Variants in RIMS1 observed in about 807,000 individuals in gnomAD.
RIMS1 encodes regulating synaptic membrane exocytosis protein 1.
In RIMS1, 83 loss-of-function variants were observed where a neutral mutation model predicts 214.1. The ratio of observed to expected loss-of-function variants is 0.39; its 90% confidence interval spans 0.32 to 0.47. The LOEUF is 0.47. Among genes scored for constraint, RIMS1 ranks in the 20% least tolerant of loss-of-function variants. The pLI is 0.99. For synonymous variants in RIMS1, 793 were observed against 786.8 expected (o/e 1.01, Z -0.13); for missense variants, 2,050 against 2,161.8 (o/e 0.95, Z 1.03).
intron 1 of RIMS1, among the ~76,000 whole-genome samples, chr6:71,961,466 G>A (rs1233815096): frequency 1.3e-5 from 2 of 151,802 alleles, no homozygotes; most frequent in East Asian, 3.9e-4. Flanking sequence ...GTACCCATAA[G>A]TAAAAAAGAC....
chr6:71,981,903 A>C lies in RIMS1; in HGVS notation c.245+12840A>C, dbSNP rs558666439. Among the ~76,000 whole-genome samples, 14 of 151,636 alleles carry C rather than the reference A, an allele frequency of 9.2e-5. No individual in the cohort carries two copies. In the East Asian group the frequency reaches 2.5e-3, roughly 27 times the overall value. On this transcript the variant is annotated intron_variant, in intron 2 of 33. Coordinates refer to ENST00000521978, the MANE Select transcript of RIMS1 (RefSeq NM_014989.7). Reference sequence around the variant, plus strand: ...AAGTCATTGGTGTACTATAATGCATACTACTAAGCTATGCCATTGGAACTT... The same window carrying C: ...AAGTCATTGGTGTACTATAATGCATCCTACTAAGCTATGCCATTGGAACTT...
At chr6:72,382,657 T>TAA (rs2098511243) in intron 29 of RIMS1, among the ~76,000 whole-genome samples, 4 of 152,142 alleles carry the variant, frequency 2.6e-5, no homozygotes, top group Admixed American at 1.3e-4. Context: ...CCTCCAGTGT[T>TAA]TACTTCTCTG....
At chr6:71,924,705 G>C (rs532368238) in intron 1 of RIMS1, among the ~76,000 whole-genome samples, 2 of 148,800 alleles carry the variant, frequency 1.3e-5, no homozygotes, top group South Asian at 4.2e-4. Flanking sequence ...TACTCAGGAG[G>C]CTCAGGTTGG....
At chr6:72,361,293 A>G (rs1216667163) in intron 29 of RIMS1, among the ~76,000 whole-genome samples, 1 of 150,530 alleles carries the variant, frequency 6.6e-6, no homozygotes, top group African/African-American at 2.4e-5. Flanking sequence ...TTTAGTAGAG[A>G]CGGGGTTTCA....
At chr6:72,017,009 G>T (rs1030268052) in intron 2 of RIMS1, among the ~76,000 whole-genome samples, 5 of 152,114 alleles carry the variant, frequency 3.3e-5, no homozygotes. Context: ...CATATTATTA[G>T]CTGAGTTCAG....
At chr6:72,348,432 C>G (rs2097339607) in intron 29 of RIMS1, among the ~76,000 whole-genome samples, 2 of 151,824 alleles carry the variant, frequency 1.3e-5, no homozygotes, top group Non-Finnish European at 2.9e-5. Context: ...TGCAACCTCC[C>G]TTTTCCTTTC....
At chr6:72,091,538 T>C (rs1429560124) in intron 2 of RIMS1, among the ~76,000 whole-genome samples, 1 of 152,244 alleles carries the variant, frequency 6.6e-6, no homozygotes, top group Non-Finnish European at 1.5e-5. Flanking sequence ...TTTTCAGACA[T>C]TTATAGAATA....
chr6:72,027,905 C>T (rs1816996285), intron 2 of RIMS1, among the ~76,000 whole-genome samples: 1 of 152,022 alleles, frequency 6.6e-6, no homozygotes, highest in African/African-American at 2.4e-5. Context: ...TTGTCTTTTG[C>T]TATTCTGTTG....
At chr6:72,272,112 T>A (rs564565826) in intron 22 of RIMS1, among the ~76,000 whole-genome samples, 1 of 152,314 alleles carries the variant, frequency 6.6e-6, no homozygotes, top group East Asian at 1.9e-4. Context: ...AGGACCGGTT[T>A]AGTTCAACTT....
chr6:72,351,851 G>A (rs1206264729), intron 29 of RIMS1, among the ~76,000 whole-genome samples: 1 of 152,074 alleles, frequency 6.6e-6, no homozygotes, highest in Non-Finnish European at 1.5e-5. Context: ...ATTATAACAT[G>A]TATATCTATA....
chr6:71,954,884 C>A (rs985014092), intron 1 of RIMS1, among the ~76,000 whole-genome samples: 2 of 151,606 alleles, frequency 1.3e-5, no homozygotes, highest in African/African-American at 2.4e-5. Flanking sequence ...CACACACACA[C>A]ACACACACAC....
intron 4 of RIMS1, among the ~76,000 whole-genome samples, chr6:72,127,560 A>C (rs1162180601): frequency 6.6e-6 from 1 of 152,116 alleles, no homozygotes; most frequent in Non-Finnish European, 1.5e-5. Flanking sequence ...TTATATAGAC[A>C]CTATCAAAGC....
At position 72,284,083 on chromosome 6, in the gene RIMS1, A is replaced by G. The variant is rs1400241306; in HGVS notation, c.3519A>G (p.Lys1173=). ...AGTCTGAAAGATCTAGCATCCAAAA[A>G]CAGACTAGGAAAGGCACTGCCTCTG... The part of the protein sequence containing the change: ...SRKSERSSIQ[K]QTRKGTASDA... The change falls in exon 24 of 34, where the codon AAA becomes AAG. Residue 1173 remains lysine, a synonymous_variant. Coordinates refer to ENST00000521978, the MANE Select transcript of RIMS1 (RefSeq NM_014989.7). The G allele has an allele frequency of 6.2e-7, 1 of 1,613,108 alleles. No homozygotes were observed. Among genetic ancestry groups the G allele is most frequent in the Non-Finnish European group, 8.5e-7 (1 of 1,179,376 alleles).
chr6:72,178,661 G>C (rs2048042466), intron 4 of RIMS1, among the ~76,000 whole-genome samples: 1 of 152,218 alleles, frequency 6.6e-6, no homozygotes, highest in South Asian at 2.1e-4. Context: ...AGGTACTGAG[G>C]ATATTTGAAA....
intron 16 of RIMS1, among the ~76,000 whole-genome samples, chr6:72,255,983 C>G (rs955731023): frequency 4.2e-5 from 6 of 141,368 alleles, no homozygotes; most frequent in Admixed American, 7.6e-5. Flanking sequence ...TTGCAGTGAG[C>G]CAAGGTCATC....
At chr6:72,101,196 G>A (rs569915808) in intron 4 of RIMS1, among the ~76,000 whole-genome samples, 27 of 152,000 alleles carry the variant, frequency 1.8e-4, no homozygotes, top group Middle Eastern at 3.4e-3. Flanking sequence ...CTTTGACAGC[G>A]TTACCCATAA....
At chr6:72,167,427 G>T (rs566642967) in intron 4 of RIMS1, among the ~76,000 whole-genome samples, 1 of 151,752 alleles carries the variant, frequency 6.6e-6, no homozygotes, top group African/African-American at 2.4e-5. Flanking sequence ...TTAGTATTAG[G>T]GCTAAGCTGA....
At chr6:71,923,514 AG>A (rs1780635981) in intron 1 of RIMS1, among the ~76,000 whole-genome samples, 1 of 151,990 alleles carries the variant, frequency 6.6e-6, no homozygotes, top group East Asian at 1.9e-4. Flanking sequence ...TAATGGTTAC[AG>A]GGCAAGTTCC....
intron 29 of RIMS1, among the ~76,000 whole-genome samples, chr6:72,356,927 C>CA (rs1341406493): frequency 6.6e-6 from 1 of 152,126 alleles, no homozygotes; most frequent in African/African-American, 2.4e-5. Context: ...TCCTCTGAAA[C>CA]ACTGCTTAAT....
Sources: allele counts gnomAD v4.1 joint callset (sites outside exome capture counted in the v4.1 genomes callset), GRCh38; gene constraint gnomAD v4.1.1; transcripts MANE v1.5; gene names NCBI Gene and HGNC (gene_info 2026-07-23, HGNC 2026-07-21).